The following TCF7 variants were observed in gnomAD, a reference collection of about 807,000 sequenced individuals.
TCF7 encodes the protein T-cell-factor-7.
Under a neutral mutation model 46.8 loss-of-function variants are expected in TCF7, and 19 were observed. The ratio of observed to expected loss-of-function variants is 0.41; its 90% CI spans 0.28 to 0.60. The LOEUF is 0.60. TCF7 is among the 20% of genes least tolerant of loss of function. TCF7 has a pLI of 0.35. For missense variants in TCF7, 547 were observed against 504.6 expected, an observed-to-expected ratio of 1.08 and a Z score of -0.81; for synonymous variants, 245 against 213.4, an observed-to-expected ratio of 1.15 and a Z score of -1.29.
intron 3 of TCF7, among the ~76,000 whole-genome samples, chr5:134,127,632 T>C (rs1007843797): frequency 4.6e-5 from 7 of 152,172 alleles, no homozygotes; most frequent in African/African-American, 1.7e-4. Flanking sequence ...CCGCCCACCT[T>C]ATTCCCCCGT....
intron 3 of TCF7, among the ~76,000 whole-genome samples, chr5:134,135,660 G>A (rs1195131371): frequency 5.3e-5 from 8 of 152,152 alleles, no homozygotes; most frequent in African/African-American, 1.2e-4. Context: ...CAGAGGTTCC[G>A]ATCTGGATAT....
At chr5:134,143,733 C>A in intron 9 of TCF7, 93 bp downstream of exon 9, 2 of 1,499,124 alleles carry the variant, frequency 1.3e-6, no homozygotes, top group Middle Eastern at 1.7e-4. Context: ...AACGCGGTAC[C>A]CAGCTAGGAG....
chr5:134,133,091 G>A (rs1561675345), intron 3 of TCF7, among the ~76,000 whole-genome samples: 3 of 152,206 alleles, frequency 2.0e-5, no homozygotes, highest in Non-Finnish European at 4.4e-5. Context: ...AGGCTGGACA[G>A]GCACTGGTGG....
chr5:134,128,127 C>T lies in TCF7; in HGVS notation c.442-9932C>T, dbSNP rs1040358091. Among the ~76,000 whole-genome samples, 6 of 152,288 alleles carry T rather than the reference C, an allele frequency of 3.9e-5. No individual in the cohort carries two copies. In the East Asian group the frequency reaches 7.7e-4, roughly 20 times the overall value. Reference sequence around the variant, plus strand: ...TTACACTCCGTTGCGTCTTTGGCCGCGCACGTGTGTTGCAGCCACAGCTGG... The same window carrying T: ...TTACACTCCGTTGCGTCTTTGGCCGTGCACGTGTGTTGCAGCCACAGCTGG... On this transcript the variant is annotated intron_variant, in intron 3 of 9. Transcript: ENST00000342854.
chr5:134,133,208 G>C (rs1234174758), intron 3 of TCF7, among the ~76,000 whole-genome samples: 2 of 152,186 alleles, frequency 1.3e-5, no homozygotes, highest in African/African-American at 4.8e-5. Context: ...AAGCAGTTTG[G>C]ACTGCTGGTG....
At chr5:134,132,828 G>A (rs973902546) in intron 3 of TCF7, among the ~76,000 whole-genome samples, 2 of 152,138 alleles carry the variant, frequency 1.3e-5, no homozygotes, top group African/African-American at 2.4e-5. Context: ...AGGAGTCTCC[G>A]TTTCCATCTC....
At chr5:134,116,163 C>G in intron 3 of TCF7, 130 bp downstream of exon 3, 1 of 1,437,402 alleles carries the variant, frequency 7.0e-7, no homozygotes, top group Non-Finnish European at 9.1e-7. Context: ...TTCTCCCATA[C>G]ACACCCGGTG....
intron 5 of TCF7, chr5:134,141,672 A>T (rs1759790683): frequency 1.3e-5 from 2 of 152,676 alleles, no homozygotes; most frequent in Admixed American, 1.3e-4. Flanking sequence ...AGAGGAGAAG[A>T]GAAGGGGCTA....
chr5:134,115,732 C>T, intron 2 of TCF7, 177 bp from the exon 3 acceptor site: 2 of 1,437,350 alleles, frequency 1.4e-6, no homozygotes, highest in Non-Finnish European at 1.8e-6. Flanking sequence ...TCGGGGAGGC[C>T]TGCCCTCCAG....
intron 3 of TCF7, among the ~76,000 whole-genome samples, chr5:134,122,376 C>A (rs1285426394): frequency 6.6e-6 from 1 of 152,158 alleles, no homozygotes; most frequent in African/African-American, 2.4e-5. Context: ...GATCCTTCCC[C>A]CCAGGCTCTA....
chr5:134,123,247 G>A (rs1262122976), intron 3 of TCF7, among the ~76,000 whole-genome samples: 1 of 152,124 alleles, frequency 6.6e-6, no homozygotes, highest in African/African-American at 2.4e-5. Flanking sequence ...GTGCCCTCTG[G>A]CCTACCCTAC....
chr5:134,132,129 C>T (rs183329524), intron 3 of TCF7, among the ~76,000 whole-genome samples: 37 of 152,316 alleles, frequency 2.4e-4, no homozygotes, highest in African/African-American at 7.9e-4. Context: ...TTTGCAGTGT[C>T]GTGGGTGTCA....
At chr5:134,140,272 C>T (rs537945456) in intron 5 of TCF7, among the ~76,000 whole-genome samples, 2 of 152,324 alleles carry the variant, frequency 1.3e-5, no homozygotes, top group African/African-American at 2.4e-5. Flanking sequence ...CCTCTCAGAA[C>T]TCAGTCTACC....
In TCF7 at chr5:134,142,891, C is replaced by T. The variant is rs768876663; in HGVS notation, c.918+8C>T. The T allele has an allele frequency of 6.2e-7, 1 of 1,612,234 alleles. No homozygotes were observed. The highest frequency in any genetic ancestry group is 8.5e-7 in the Non-Finnish European group (1 of 1,178,462). Reference sequence around the variant, plus strand: ...CAGATCCTGGGCCGCAGGGTGAGACCATGGGCAGGTGGGCTGGCAGGGATG... The same window carrying T: ...CAGATCCTGGGCCGCAGGGTGAGACTATGGGCAGGTGGGCTGGCAGGGATG... On this transcript the variant is annotated splice_region_variant and intron_variant, in intron 7 of 9. Coordinates refer to ENST00000342854, the MANE Select transcript of TCF7 (RefSeq NM_003202.5).
At chr5:134,123,890 G>A (rs1451837749) in intron 3 of TCF7, 1 of 451,646 alleles carries the variant, frequency 2.2e-6, no homozygotes, top group Non-Finnish European at 4.5e-6. Context: ...ACAGAGCCAA[G>A]GGAGAGGTAG....
intron 3 of TCF7, 50 bp from the exon 4 acceptor site, chr5:134,138,009 T>TCCTC: frequency 6.9e-7 from 1 of 1,449,860 alleles, no homozygotes; most frequent in Admixed American, 1.9e-5. Context: ...CCCAGTGTCT[T>TCCTC]CCTCCCTCAG....
chr5:134,114,331 C>A (rs559111173), upstream of TCF7, among the ~76,000 whole-genome samples: 237 of 152,266 alleles, frequency 1.6e-3, 2 homozygotes, highest in Non-Finnish European at 2.4e-4. Context: ...GGGCACGATA[C>A]AGTTCACACC....
At chr5:134,128,072 C>T (rs1485798038) in intron 3 of TCF7, among the ~76,000 whole-genome samples, 2 of 152,196 alleles carry the variant, frequency 1.3e-5, no homozygotes, top group African/African-American at 4.8e-5. Context: ...TGAGCCCAGA[C>T]ATCTGACTCG....
intron 9 of TCF7, chr5:134,143,860 T>C: frequency 1.8e-6 from 1 of 565,294 alleles, no homozygotes. Context: ...TGGCTTCTGC[T>C]GGGTAGAATT....
Sources: gnomAD v4.1 joint callset for allele counts (sites outside exome capture counted in the v4.1 genomes callset) on GRCh38, gnomAD v4.1.1 for gene constraint, MANE v1.5 for transcripts, NCBI Gene and HGNC (gene_info 2026-07-23, HGNC 2026-07-21) for gene names.